TATDN2: variants seen among roughly 807,000 people sequenced by gnomAD.
TATDN2 encodes the protein TatD DNase domain containing 2.
TATDN2 carries 44 observed loss-of-function variants against 60.3 expected under a neutral mutation model. That is an observed-to-expected ratio of 0.73 (90% CI 0.57 to 0.94). The LOEUF (loss-of-function observed/expected upper bound fraction) is 0.94, where lower values mean the gene tolerates loss of function less well. Among genes scored for constraint, TATDN2 ranks in the 40% least tolerant of loss-of-function variants. The pLI is 0.00. For synonymous variants in TATDN2, 399 were observed against 355.8 expected (o/e 1.12, Z -1.37); for missense variants, 997 against 948.0 (o/e 1.05, Z -0.68).
chr3:10,275,377 A>G (rs1336797599), intron 4 of TATDN2, among the ~76,000 whole-genome samples: 1 of 152,242 alleles, frequency 6.6e-6, no homozygotes. Flanking sequence ...TGAAGATTTA[A>G]AAGTGGGTAG....
chr3:10,257,624 A>C (rs577443979), intron 2 of TATDN2, among the ~76,000 whole-genome samples: 127 of 149,854 alleles, frequency 8.5e-4, no homozygotes, highest in Non-Finnish European at 1.6e-3. Flanking sequence ...AAAAAAAAAA[A>C]CAAAAATGAC....
chr3:10,272,711 G>A (rs949097596), intron 4 of TATDN2, among the ~76,000 whole-genome samples: 3 of 152,006 alleles, frequency 2.0e-5, no homozygotes, highest in Non-Finnish European at 4.4e-5. Flanking sequence ...CCAACGTGGC[G>A]AAACCCCGTC....
At position 10,279,747 on chromosome 3, in the gene TATDN2, CTG is replaced by C. The variant is rs1300165129; in HGVS notation, c.*567_*568del. ...GGATAACTCTTCAGTTTGACTGTCA[CTG>C]TTCTGGTGTCAACTCCAGCGTCGGC... On this transcript the variant is annotated 3_prime_UTR_variant, in exon 8 of 8. Transcript: ENST00000448281. The C allele has an allele frequency of 6.6e-6, 1 of 152,478 alleles. No individual in the cohort carries two copies. The highest frequency in any genetic ancestry group is 1.5e-5 in the Non-Finnish European group (1 of 68,144). The allele number at this position is 152,478 out of a possible 1,614,324, so 9.4% of individuals were successfully genotyped here.
Position 10,249,041 on chromosome 3 carries a change from G to C in TATDN2, c.-33G>C. On this transcript the variant is annotated 5_prime_UTR_variant, in exon 1 of 8. Coordinates refer to ENST00000448281, the MANE Select transcript of TATDN2 (RefSeq NM_014760.4). Reference sequence around the variant, plus strand: ...GCATCTCTGAAACCTTGAGAACTGTGATGGGCAGTGGAAAGAAGAGGGAAA... The same window carrying C: ...GCATCTCTGAAACCTTGAGAACTGTCATGGGCAGTGGAAAGAAGAGGGAAA... The C allele has an allele frequency of 1.3e-6, 1 of 793,796 alleles. No individual in the cohort carries two copies. Among genetic ancestry groups the C allele is most frequent in the Non-Finnish European group, 1.8e-6 (1 of 557,240 alleles). The allele number at this position is 793,796 out of a possible 1,614,324, so 49.2% of individuals were successfully genotyped here.
At chr3:10,276,954 T>G (rs1479925833) in intron 5 of TATDN2, among the ~76,000 whole-genome samples, 1 of 144,732 alleles carries the variant, frequency 6.9e-6, no homozygotes, top group Non-Finnish European at 1.5e-5. Flanking sequence ...TATTTGACCT[T>G]TTTTTTTTTT....
intron 4 of TATDN2, among the ~76,000 whole-genome samples, chr3:10,275,881 G>A (rs548629948): frequency 1.3e-5 from 2 of 152,308 alleles, no homozygotes; most frequent in East Asian, 1.9e-4. Context: ...CAAACACCAC[G>A]CCCTGCCGTC....
At chr3:10,265,409 G>A (rs866387140) in intron 3 of TATDN2, among the ~76,000 whole-genome samples, 10 of 150,158 alleles carry the variant, frequency 6.7e-5, no homozygotes, top group African/African-American at 2.2e-4. Context: ...TTAGCTGGGC[G>A]TGGGGCTCAT....
chr3:10,268,381 C>A (rs1162635930), intron 3 of TATDN2, among the ~76,000 whole-genome samples: 1 of 152,190 alleles, frequency 6.6e-6, no homozygotes, highest in Non-Finnish European at 1.5e-5. Context: ...AATGCTCTTT[C>A]ATTGTGAATG....
Position 10,249,413 on chromosome 3 carries a change from G to C in TATDN2, c.213G>C (p.Trp71Cys). The change falls in exon 2 of 8, where the codon TGG becomes TGC. Residue 71 changes from tryptophan to cysteine, a missense_variant. Trp to Cys is a radical substitution (Grantham distance 215). Coordinates refer to ENST00000448281, the MANE Select transcript of TATDN2 (RefSeq NM_014760.4). Reference protein sequence around the residue: ...DDVACSRRLSWGSSRRRNNSS... With the variant: ...DDVACSRRLSCGSSRRRNNSS... ...TGGCTTGCTCGCGGAGGTTATCCTG[G>C]GGCTCATCCCGCCGCAGAAATAACT... The C allele has an allele frequency of 6.2e-7, 1 of 1,613,452 alleles. No individual in the cohort carries two copies. Among genetic ancestry groups the C allele is most frequent in the Non-Finnish European group, 8.5e-7 (1 of 1,179,950 alleles).
Position 10,270,418 on chromosome 3 carries a change from C to T in TATDN2, c.1236C>T (p.Ser412=). ...SNDAAQVGKS[S]RSRMSDYSPN... is the part of the protein sequence containing the mutation. ...ATGCAGCCCAGGTTGGGAAGAGCAGCCGGAGCCGCATGAGTGATTATTCCC... is the reference window on the plus strand; with the variant it reads ...ATGCAGCCCAGGTTGGGAAGAGCAGTCGGAGCCGCATGAGTGATTATTCCC... Residue 412 remains serine (S), a synonymous_variant, in exon 4 of 8, where the codon AGC becomes AGT. Coordinates refer to ENST00000448281, the MANE Select transcript of TATDN2 (RefSeq NM_014760.4). 1.2e-6 allele frequency: 2 copies of T among 1,614,204 alleles called. No homozygotes were observed. Among genetic ancestry groups the T allele is most frequent in the Non-Finnish European group, 1.7e-6 (2 of 1,180,044 alleles).
chr3:10,267,227 G>C (rs1047283482), intron 3 of TATDN2, among the ~76,000 whole-genome samples: 3 of 151,396 alleles, frequency 2.0e-5, no homozygotes, highest in African/African-American at 7.3e-5. Flanking sequence ...GGCTGAGACA[G>C]TCTTGAATAT....
At position 10,248,872 on chromosome 3, in the gene TATDN2, G is replaced by C. The variant is rs1363167592; in HGVS notation, c.-202G>C. On this transcript the variant is annotated 5_prime_UTR_variant, in exon 1 of 8. Transcript: ENST00000448281. ...TATTGCAAACTGATCAAAGCGCTTC[G>C]TAGCCCCGGAAGCGCTTAGGCATCT... 6.3e-6 allele frequency: 2 copies of C among 319,072 alleles called. No individual in the cohort carries two copies. Among genetic ancestry groups the C allele is most frequent in the African/African-American group, 2.1e-5 (1 of 46,916 alleles). The allele number at this position is 319,072 out of a possible 1,614,324, so 19.8% of individuals were successfully genotyped here.
intron 3 of TATDN2, among the ~76,000 whole-genome samples, chr3:10,261,603 C>T (rs1054571274): frequency 1.3e-5 from 2 of 152,054 alleles, no homozygotes; most frequent in East Asian, 1.9e-4. Flanking sequence ...CTCCTGACCT[C>T]GTGATCCACC....
rs202175963 is a variant in TATDN2 at position 10,249,469 on chromosome 3, G to A, written c.269G>A (p.Gly90Asp). ...TCCTCCTTCTCCCCACATTTCTTGG[G>A]CCCTGGTGTGGGCGGGGCCGCCTCC... Reference protein sequence around the residue: ...SSSSFSPHFLGPGVGGAASKG... With the variant: ...SSSSFSPHFLDPGVGGAASKG... The change falls in exon 2 of 8, where the codon GGC becomes GAC. Residue 90 changes from glycine (G) to aspartate (D), a missense_variant. Physicochemically the swap from Gly to Asp is moderately conservative, Grantham distance 94. Coordinates refer to ENST00000448281, the MANE Select transcript of TATDN2 (RefSeq NM_014760.4). The A allele has an allele frequency of 1.8e-4, 290 of 1,613,898 alleles. No homozygotes were observed. Among genetic ancestry groups the A allele is most frequent in the Non-Finnish European group, 2.3e-5 (27 of 1,180,000 alleles).
chr3:10,254,557 G>T (rs887198691), intron 2 of TATDN2, among the ~76,000 whole-genome samples: 1 of 152,214 alleles, frequency 6.6e-6, no homozygotes, highest in Non-Finnish European at 1.5e-5. Flanking sequence ...GAGCTCAGGG[G>T]TAGGGATTAT....
chr3:10,250,677 AC>A (rs1470878509), intron 2 of TATDN2, among the ~76,000 whole-genome samples: 1 of 152,108 alleles, frequency 6.6e-6, no homozygotes, highest in Admixed American at 6.6e-5. Flanking sequence ...TTCAATGTGG[AC>A]CTCACTGTCT....
chr3:10,259,492 G>T (rs1407728509), intron 2 of TATDN2, among the ~76,000 whole-genome samples: 1 of 152,232 alleles, frequency 6.6e-6, no homozygotes, highest in African/African-American at 2.4e-5. Context: ...GAGTCCTGGA[G>T]TGAGTGGGTG....
intron 2 of TATDN2, among the ~76,000 whole-genome samples, chr3:10,255,032 T>TCCCCCC (rs1488586574): frequency 8.0e-5 from 1 of 12,476 alleles, no homozygotes; most frequent in South Asian, 2.7e-3. Context: ...CCCCTCCCCC[T>TCCCCCC]CCCTCCTTTC....
chr3:10,278,647 T>TA lies in TATDN2; in HGVS notation c.2145+187dup, dbSNP rs760484295. The TA allele has an allele frequency of 1.8e-4, 178 of 994,676 alleles. No homozygotes were observed. In the Middle Eastern group the frequency reaches 2.0e-3, roughly 11 times the overall value. The allele number at this position is 994,676 out of a possible 1,614,324, so 61.6% of individuals were successfully genotyped here. A position where few individuals can be genotyped will look rare whatever the true frequency, so the allele number is the denominator to read the frequency against. ...TCTAGGGGGCTGAGAAGCTGAAGGG[T>TA]AACCACTCTCTTCCAGGCAGTGCAA... On this transcript the variant is annotated intron_variant, in intron 6 of 7. Coordinates refer to ENST00000448281, the MANE Select transcript of TATDN2 (RefSeq NM_014760.4). The surrounding 1 kb of genome is among the most constrained non-coding windows in gnomAD (Gnocchi z 4.7).
Sources: gnomAD v4.1 joint callset for allele counts (sites outside exome capture counted in the v4.1 genomes callset) on GRCh38, gnomAD v4.1.1 for gene constraint, Gnocchi (gnomAD v3.1) non-coding constraint, MANE v1.5 for transcripts, NCBI Gene and HGNC (gene_info 2026-07-23, HGNC 2026-07-21) for gene names.